Variants in PAPPA2 observed in about 807,000 individuals in gnomAD.
PAPPA2 encodes the protein pappalysin-2.
A neutral mutation model predicts 176.4 loss-of-function variants in PAPPA2; 86 were observed. The ratio of observed to expected loss-of-function variants is 0.49; its 90% CI spans 0.41 to 0.58. PAPPA2 has a LOEUF of 0.58. PAPPA2 is among the 20% of genes least tolerant of loss of function. PAPPA2 has a pLI of 0.00. For missense variants in PAPPA2, 2,073 were observed against 2,256.9 expected, an observed-to-expected ratio of 0.92 and a Z score of 1.65; for synonymous variants, 809 against 852.2, an observed-to-expected ratio of 0.95 and a Z score of 0.88.
chr1:176,671,793 C>T (rs923833760), intron 4 of PAPPA2, among the ~76,000 whole-genome samples: 1 of 151,390 alleles, frequency 6.6e-6, no homozygotes, highest in Admixed American at 6.6e-5. Flanking sequence ...TCATCATTCT[C>T]AGTAAACTAT....
intron 12 of PAPPA2, 140 bp from the exon 13 acceptor site, chr1:176,739,486 A>G (rs1558553572): frequency 1.2e-6 from 1 of 833,448 alleles, no homozygotes; most frequent in South Asian, 2.2e-5. Context: ...TGTCTACTCC[A>G]TATTTTTAGC....
intron 1 of PAPPA2, among the ~76,000 whole-genome samples, chr1:176,496,601 C>T (rs1464600445): frequency 6.6e-6 from 1 of 152,110 alleles, no homozygotes; most frequent in African/African-American, 2.4e-5. Flanking sequence ...TTACTTTGTC[C>T]TCCTACACTA....
intron 21 of PAPPA2, among the ~76,000 whole-genome samples, chr1:176,839,446 A>C (rs1317906250): frequency 2.6e-5 from 4 of 152,206 alleles, no homozygotes; most frequent in Admixed American, 6.5e-5. Context: ...TGGTGGATGG[A>C]AACAGTACAG....
rs779348346 is a variant in PAPPA2, at chr1:176,769,804, G to C, written c.4501+20G>C. 7 of 1,577,316 alleles carry C rather than the reference G, an allele frequency of 4.4e-6. No individual in the cohort carries two copies. Among genetic ancestry groups the C allele is most frequent in the Non-Finnish European group, 6.0e-6 (7 of 1,164,020 alleles). ...TGCAAGGTATTGTCTGGTCAACCAG[G>C]AACTGTATGCAAGTTCTCTGCCATC... On this transcript the variant is annotated intron_variant, in intron 16 of 22. Transcript: ENST00000367662.
At chr1:176,772,729 A>G (rs1450508372) in intron 17 of PAPPA2, among the ~76,000 whole-genome samples, 1 of 152,188 alleles carries the variant, frequency 6.6e-6, no homozygotes. Flanking sequence ...GCACATTTGC[A>G]TGTGATTTTC....
At chr1:176,585,161 T>C (rs1653231616) in intron 2 of PAPPA2, among the ~76,000 whole-genome samples, 1 of 152,240 alleles carries the variant, frequency 6.6e-6, no homozygotes, top group Non-Finnish European at 1.5e-5. Flanking sequence ...ACATTTCTTG[T>C]AAGGCTAATC....
chr1:176,552,531 G>A (rs1046119241), intron 1 of PAPPA2, among the ~76,000 whole-genome samples: 4 of 149,512 alleles, frequency 2.7e-5, no homozygotes, highest in African/African-American at 9.9e-5. Context: ...CCTGGTCCTT[G>A]TTTATCTGTA....
At chr1:176,787,703 A>G (rs114686224) in intron 17 of PAPPA2, among the ~76,000 whole-genome samples, 2,534 of 152,256 alleles carry the variant, frequency 0.017, 41 homozygotes, top group Middle Eastern at 0.031. Flanking sequence ...GAATTCTGTG[A>G]TGTGAGGTCT....
intron 14 of PAPPA2, among the ~76,000 whole-genome samples, chr1:176,764,824 C>T (rs1557856493): frequency 6.6e-6 from 1 of 152,156 alleles, no homozygotes; most frequent in Non-Finnish European, 1.5e-5. Context: ...TCTCTATCTC[C>T]TGACCTCGTG....
intron 21 of PAPPA2, 34 bp downstream of exon 21, chr1:176,800,166 G>C: frequency 6.2e-7 from 1 of 1,604,790 alleles, no homozygotes; most frequent in Non-Finnish European, 8.5e-7. Context: ...ACTCAGACTA[G>C]AGAACTCAGG....
intron 14 of PAPPA2, among the ~76,000 whole-genome samples, chr1:176,756,036 G>C (rs1267214019): frequency 6.6e-6 from 1 of 152,110 alleles, no homozygotes; most frequent in Non-Finnish European, 1.5e-5. Flanking sequence ...TCGGCTCACT[G>C]CAATGTCCAT....
intron 2 of PAPPA2, among the ~76,000 whole-genome samples, chr1:176,577,438 AG>A (rs1652717405): frequency 6.6e-6 from 1 of 152,188 alleles, no homozygotes; most frequent in African/African-American, 2.4e-5. Flanking sequence ...TTTACTGGAA[AG>A]GTGCTAGTGA....
intron 1 of PAPPA2, among the ~76,000 whole-genome samples, chr1:176,469,301 A>G (rs936316760): frequency 5.3e-5 from 8 of 152,190 alleles, no homozygotes; most frequent in Admixed American, 2.0e-4. Flanking sequence ...TGTGGTACCT[A>G]TTAAATGCAC....
At chr1:176,579,756 C>T (rs138329614) in intron 2 of PAPPA2, among the ~76,000 whole-genome samples, 1 of 152,292 alleles carries the variant, frequency 6.6e-6, no homozygotes, top group Non-Finnish European at 1.5e-5. Flanking sequence ...CATTTGCTAA[C>T]TGTGAGATGG....
At chr1:176,787,246 T>G (rs2102933240) in intron 17 of PAPPA2, among the ~76,000 whole-genome samples, 1 of 148,916 alleles carries the variant, frequency 6.7e-6, no homozygotes, top group South Asian at 2.1e-4. Flanking sequence ...AAAATCAGAT[T>G]TTTTTTTTTT....
rs771160984 is a variant in PAPPA2, at chr1:176,771,103, C to T, written c.4638C>T (p.His1546=). The change falls in exon 17 of 23, where the codon CAC becomes CAT. Residue 1546 remains histidine, a synonymous_variant. Coordinates refer to ENST00000367662, the MANE Select transcript of PAPPA2 (RefSeq NM_020318.3). ...TGCCTCACTGCCTCCAGGACAACCA[C>T]GACGTGGGCACCATCTGCAAATATG... is the stretch of plus-strand genomic sequence containing the variant. The part of the protein sequence containing the change: ...LLLPHCLQDN[H]DVGTICKYEC... 5.0e-6 allele frequency: 8 copies of T among 1,614,012 alleles called. No individual in the cohort carries two copies. The highest frequency in any genetic ancestry group is 2.2e-5 in the South Asian group (2 of 91,080).
At chr1:176,583,880 C>A (rs950835910) in intron 2 of PAPPA2, among the ~76,000 whole-genome samples, 2 of 152,150 alleles carry the variant, frequency 1.3e-5, no homozygotes, top group Non-Finnish European at 2.9e-5. Flanking sequence ...CATAGTAAGA[C>A]CCTATCTCCA....
intron 21 of PAPPA2, among the ~76,000 whole-genome samples, chr1:176,833,435 C>G (rs1479897223): frequency 6.6e-6 from 1 of 152,202 alleles, no homozygotes; most frequent in African/African-American, 2.4e-5. Context: ...TACAAAGGGC[C>G]AAGACCTAGG....
At chr1:176,565,617 C>G (rs1651925698) in intron 2 of PAPPA2, among the ~76,000 whole-genome samples, 2 of 152,134 alleles carry the variant, frequency 1.3e-5, no homozygotes, top group African/African-American at 4.8e-5. Flanking sequence ...ATCACCTGAG[C>G]CTGGTGAGGT....
Sources: gnomAD v4.1 joint callset for allele counts (sites outside exome capture counted in the v4.1 genomes callset) on GRCh38, gnomAD v4.1.1 for gene constraint, MANE v1.5 for transcripts, NCBI Gene and HGNC (gene_info 2026-07-23, HGNC 2026-07-21) for gene names.